The following TENT4B variants were observed in gnomAD, a reference collection of about 807,000 sequenced individuals.
TENT4B encodes the protein terminal nucleotidyltransferase 4B.
In TENT4B, 10 loss-of-function variants were observed where a neutral mutation model predicts 75.0. The observed-to-expected ratio is 0.13, with a 90% CI of 0.08 to 0.23. The LOEUF (loss-of-function observed/expected upper bound fraction) is 0.23. Among genes scored for constraint, TENT4B ranks in the 10% least tolerant of loss-of-function variants. TENT4B has a pLI of 1.00. For synonymous variants in TENT4B, 350 were observed against 357.7 expected, an observed-to-expected ratio of 0.98 and a Z score of 0.24; for missense variants, 579 against 893.8, an observed-to-expected ratio of 0.65 and a Z score of 4.49.
Position 50,230,317 on chromosome 16 carries a change from A to AG in TENT4B, c.*991dup, listed in dbSNP as rs1307586073. 2.0e-6 allele frequency: 2 copies of AG among 981,078 alleles called. No individual in the cohort carries two copies. The highest frequency in any genetic ancestry group is 2.4e-6 in the Non-Finnish European group (2 of 828,022). The allele number at this position is 981,078 out of a possible 1,614,324, so 60.8% of individuals were successfully genotyped here. A position where few individuals can be genotyped will look rare whatever the true frequency, so the allele number is the denominator to read the frequency against. ...CCTAATAGGAAAAAAAAAAAAAAAAAGGTCACCCATGTCTGGTCTCATTCC... is the reference window on the plus strand; with the variant it reads ...CCTAATAGGAAAAAAAAAAAAAAAAAGGGTCACCCATGTCTGGTCTCATTCC... On this transcript the variant is annotated 3_prime_UTR_variant, in exon 12 of 12. Transcript: ENST00000561678.
At chr16:50,168,614 C>T (rs1198721168) in intron 1 of TENT4B, among the ~76,000 whole-genome samples, 1 of 147,666 alleles carries the variant, frequency 6.8e-6, no homozygotes, top group South Asian at 2.2e-4. Context: ...GTGCCTGGAC[C>T]TCCCACATTA....
At chr16:50,219,265 GT>G (rs998922481) in intron 5 of TENT4B, among the ~76,000 whole-genome samples, 1 of 152,090 alleles carries the variant, frequency 6.6e-6, no homozygotes, top group African/African-American at 2.4e-5. Context: ...GCCAATTATT[GT>G]TTTTTGCGTT....
intron 4 of TENT4B, 57 bp downstream of exon 4, chr16:50,216,252 A>G (rs2150739265): frequency 6.3e-7 from 1 of 1,591,358 alleles, no homozygotes; most frequent in East Asian, 2.3e-5. Flanking sequence ...TGAAACTTGA[A>G]TTAAAATTAA....
At chr16:50,201,314 A>G (rs1040251912) in intron 1 of TENT4B, among the ~76,000 whole-genome samples, 1 of 152,054 alleles carries the variant, frequency 6.6e-6, no homozygotes, top group African/African-American at 2.4e-5. Context: ...AGGCAGGTGG[A>G]TCTCCTGAGG....
At chr16:50,205,578 T>C (rs2030912011) in intron 1 of TENT4B, among the ~76,000 whole-genome samples, 6 of 29,780 alleles carry the variant, frequency 2.0e-4, no homozygotes, top group South Asian at 1.5e-3. Context: ...TTTTTTTTTT[T>C]TTTTTTTTTT....
In TENT4B at chr16:50,227,968, A is replaced by C; in HGVS notation, c.1930A>C (p.Thr644Pro). The part of the protein sequence containing the change: ...QAVGKMQSTQ[T>P]TNTSNSTNKS... ...AGTTGGGAAAATGCAAAGCACCCAA[A>C]CCACTAACACATCCAACAGCACCAA... The change falls in exon 11 of 12, where the codon ACC (threonine) becomes CCC (proline). Residue 644 changes from threonine to proline, a missense_variant. This residue lies in a region of TENT4B where 164 missense variants were observed against 226.5 expected (regional missense o/e 0.72). Transcript: ENST00000561678. 6.2e-7 allele frequency: 1 copy of C among 1,614,022 alleles called. No individual in the cohort carries two copies. The highest frequency in any genetic ancestry group is 8.5e-7 in the Non-Finnish European group (1 of 1,179,898).
intron 1 of TENT4B, among the ~76,000 whole-genome samples, chr16:50,207,718 T>C (rs938933491): frequency 1.3e-5 from 2 of 152,096 alleles, no homozygotes; most frequent in Non-Finnish European, 2.9e-5. Context: ...GAAACTGAAG[T>C]TTTCTCTGTG....
rs201019368 is a variant in TENT4B at position 50,164,176 on chromosome 16, AAAAGAAAG to A, written c.638+9929_638+9936del. Among the ~76,000 whole-genome samples the A allele has an allele frequency of 5.3e-5, 8 of 151,706 alleles. No individual in the cohort carries two copies. The East Asian group carries it at 1.5e-3, about 29-fold the overall frequency. On this transcript the variant is annotated intron_variant, in intron 1 of 11. Coordinates refer to ENST00000561678, the MANE Select transcript of TENT4B (RefSeq NM_001365324.3). ...TCATCTCAAAAAAAATAAAAAATAA[AAAAGAAAG>A]AAAGAAAGAAATGGGATCTCACCAT...
At chr16:50,211,263 G>A in intron 1 of TENT4B, 60 bp from the exon 2 acceptor site, 1 of 1,479,784 alleles carries the variant, frequency 6.8e-7, no homozygotes, top group Non-Finnish European at 9.0e-7. Context: ...GATTATTTAA[G>A]ATAGTGATTT....
At chr16:50,156,124 A>G (rs1269877677) in intron 1 of TENT4B, among the ~76,000 whole-genome samples, 2 of 152,158 alleles carry the variant, frequency 1.3e-5, no homozygotes, top group Admixed American at 6.6e-5. Context: ...ATTACTGTTT[A>G]AAAACTGGTT....
chr16:50,179,616 T>C (rs1192088628), intron 1 of TENT4B, among the ~76,000 whole-genome samples: 1 of 152,226 alleles, frequency 6.6e-6, no homozygotes, highest in Non-Finnish European at 1.5e-5. Context: ...TTTGACCGAT[T>C]TGTTACAACA....
intron 1 of TENT4B, among the ~76,000 whole-genome samples, chr16:50,172,350 GA>G (rs888632500): frequency 7.3e-4 from 107 of 146,814 alleles, no homozygotes; most frequent in East Asian, 6.7e-3. Context: ...GTCTCCAAGA[GA>G]AAAAAAAAAA....
intron 1 of TENT4B, among the ~76,000 whole-genome samples, 187 bp from the exon 2 acceptor site, chr16:50,211,136 A>T (rs533901610): frequency 1.3e-5 from 2 of 152,132 alleles, no homozygotes; most frequent in South Asian, 4.1e-4. Flanking sequence ...ATTTCTCATT[A>T]TTTAATTATT....
chr16:50,189,936 C>T (rs964752833), intron 1 of TENT4B, among the ~76,000 whole-genome samples: 22 of 151,512 alleles, frequency 1.5e-4, no homozygotes, highest in Admixed American at 9.9e-4. Context: ...ATTAGCCTGG[C>T]GTAGTGGTGC....
At chr16:50,225,785 C>T (rs928204059) in intron 10 of TENT4B, among the ~76,000 whole-genome samples, 2 of 151,142 alleles carry the variant, frequency 1.3e-5, no homozygotes, top group South Asian at 2.1e-4. Context: ...CATGTTCAAA[C>T]GATTCTCCTG....
rs2031995789 is a variant in TENT4B at position 50,225,221 on chromosome 16, C to G, written c.1736C>G (p.Ser579Cys). Residue 579 changes from serine (S) to cysteine (C), a missense_variant, in exon 10 of 12, where the codon TCT becomes TGT. Physicochemically the swap from Ser to Cys is moderately radical, Grantham distance 112. Around this residue, in one of 7 missense-constraint regions of TENT4B, gnomAD observed 164 missense variants for 226.5 expected, o/e 0.72. Coordinates refer to ENST00000561678, the MANE Select transcript of TENT4B (RefSeq NM_001365324.3). ...ACCTCGGAATCTCTTAGTAAACACT[C>G]TTCAAACTCTTCATCAGGTCCAGTG... ...SKTSESLSKH[S>C]SNSSSGPVSS... 1 of 1,614,022 alleles carries G rather than the reference C, an allele frequency of 6.2e-7. No individual in the cohort carries two copies. The highest frequency in any genetic ancestry group is 8.5e-7 in the Non-Finnish European group (1 of 1,179,888).
At chr16:50,179,278 C>T (rs1263256534) in intron 1 of TENT4B, among the ~76,000 whole-genome samples, 4 of 152,148 alleles carry the variant, frequency 2.6e-5, no homozygotes, top group Non-Finnish European at 5.9e-5. Flanking sequence ...AGGAGAATCG[C>T]TTGAACCCGG....
chr16:50,233,692 TA>T lies in TENT4B; in HGVS notation c.*4372del, dbSNP rs11319165. The T allele has an allele frequency of 0.6, 587,683 of 984,250 alleles. 178,624 individuals carry two copies. The highest frequency in any genetic ancestry group is 0.68 in the South Asian group (14,572 of 21,274). 61.0% of individuals were successfully genotyped at this position (984,250 alleles called of 1,614,324 possible). ...CTGTCTCTCAGGTTTTTGGTTTTTT[TA>T]AAAAAAATGTGTTTGGCCTTTACAT... is the stretch of plus-strand genomic sequence containing the variant. On this transcript the variant is annotated 3_prime_UTR_variant, in exon 12 of 12. Transcript: ENST00000561678.
intron 1 of TENT4B, among the ~76,000 whole-genome samples, chr16:50,193,928 G>A (rs953098264): frequency 1.1e-4 from 16 of 152,152 alleles, no homozygotes; most frequent in African/African-American, 3.6e-4. Flanking sequence ...ACTGGGCTTA[G>A]CACCCCACAG....
Sources: gnomAD v4.1 joint callset for allele counts (sites outside exome capture counted in the v4.1 genomes callset) on GRCh38, gnomAD v4.1.1 for gene constraint, gnomAD v4.1.1 regional missense constraint, MANE v1.5 for transcripts, NCBI Gene and HGNC (gene_info 2026-07-23, HGNC 2026-07-21) for gene names.